PARD3B: variants seen among roughly 807,000 people sequenced by gnomAD.
PARD3B encodes the protein partitioning defective 3 homolog B.
In PARD3B, 103 loss-of-function variants were observed where a neutral mutation model predicts 130.2. The ratio of observed to expected loss-of-function variants is 0.79; its 90% CI spans 0.67 to 0.93. The LOEUF is 0.93. Among genes scored for constraint, PARD3B ranks in the 40% least tolerant of loss-of-function variants. The probability of loss-of-function intolerance (pLI) is 0.00; values close to 1 mark genes in which losing one functional copy is unlikely to be tolerated. For synonymous variants in PARD3B, 583 were observed against 553.2 expected (o/e 1.05, Z -0.76); for missense variants, 1,609 against 1,499.2 (o/e 1.07, Z -1.21).
At chr2:205,171,026 T>A (rs942989379) in intron 11 of PARD3B, among the ~76,000 whole-genome samples, 2 of 152,234 alleles carry the variant, frequency 1.3e-5, no homozygotes, top group Non-Finnish European at 2.9e-5. Flanking sequence ...TGCCTCAGTT[T>A]CCTTTTCTGT....
intron 1 of PARD3B, among the ~76,000 whole-genome samples, chr2:204,648,595 A>G (rs1378087638): frequency 7.9e-6 from 1 of 125,806 alleles, no homozygotes; most frequent in Non-Finnish European, 1.6e-5. Context: ...TATATTATAT[A>G]TAATATATTT....
chr2:205,523,221 G>GCAA (rs1559176152), intron 21 of PARD3B, among the ~76,000 whole-genome samples: 129 of 121,232 alleles, frequency 1.1e-3, no homozygotes, highest in African/African-American at 3.4e-3. Flanking sequence ...GTGTGTGTGT[G>GCAA]TGTGTATATA....
intron 21 of PARD3B, among the ~76,000 whole-genome samples, chr2:205,528,312 G>C (rs568233171): frequency 2.0e-5 from 3 of 152,112 alleles, no homozygotes; most frequent in African/African-American, 7.2e-5. Context: ...TGAGCCCTAC[G>C]TTGTGCCCAA....
At position 205,121,661 on chromosome 2, in the gene PARD3B, C is replaced by T. The variant is rs774041787; in HGVS notation, c.877C>T (p.Arg293Cys). ...VLLHVLPPQNREQYEKSVIGS... is the reference protein window; with the variant it reads ...VLLHVLPPQNCEQYEKSVIGS... Reference sequence around the variant, plus strand: ...CCTCCACGTGCTTCCTCCACAAAACCGTGAACAGTATGAAAAGTCAGTCAT... The same window carrying T: ...CCTCCACGTGCTTCCTCCACAAAACTGTGAACAGTATGAAAAGTCAGTCAT... The change falls in exon 8 of 23, where the codon CGT becomes TGT. Residue 293 changes from arginine (R) to cysteine (C), a missense_variant. Physicochemically the swap from Arg to Cys is radical, Grantham distance 180 (BLOSUM62 -3). Coordinates refer to ENST00000406610, the MANE Select transcript of PARD3B (RefSeq NM_001302769.2). The surrounding 1 kb of genome is among the most constrained non-coding windows in gnomAD (Gnocchi z 5.0). 118 of 1,614,030 alleles carry T rather than the reference C, an allele frequency of 7.3e-5. No individual in the cohort carries two copies. Among genetic ancestry groups the T allele is most frequent in the African/African-American group, 2.4e-4 (18 of 74,884 alleles).
intron 10 of PARD3B, among the ~76,000 whole-genome samples, chr2:205,143,275 G>A (rs551837774): frequency 6.6e-6 from 1 of 152,296 alleles, no homozygotes; most frequent in East Asian, 1.9e-4. Context: ...TCATCCACTT[G>A]TGGTGCTTCG....
At chr2:204,753,806 A>C (rs2125393562) in intron 2 of PARD3B, among the ~76,000 whole-genome samples, 1 of 152,118 alleles carries the variant, frequency 6.6e-6, no homozygotes, top group Non-Finnish European at 1.5e-5. Context: ...TAATCCTAGC[A>C]CTCTGGGAGG....
In PARD3B at chr2:205,405,742, A is replaced by G. The variant is rs2046397709; in HGVS notation, c.2741+4619A>G. Among the ~76,000 whole-genome samples, 3 of 152,246 alleles carry G rather than the reference A, an allele frequency of 2.0e-5. No homozygotes were observed. Among genetic ancestry groups the G allele is most frequent in the Admixed American group, 1.3e-4 (2 of 15,274 alleles). On this transcript the variant is annotated intron_variant, in intron 19 of 22. Coordinates refer to ENST00000406610, the MANE Select transcript of PARD3B (RefSeq NM_001302769.2). This position sits in a 1 kb window ranked among gnomAD's most constrained non-coding sequence, Gnocchi z 4.1. Reference sequence around the variant, plus strand: ...GTCCGATGACAGAATCAGCAGGAACAATGGACTGAATTAAACGTAAAGAAA... The same window carrying G: ...GTCCGATGACAGAATCAGCAGGAACGATGGACTGAATTAAACGTAAAGAAA...
chr2:205,058,332 A>T (rs1248890044), intron 4 of PARD3B, among the ~76,000 whole-genome samples: 1 of 151,848 alleles, frequency 6.6e-6, no homozygotes. Flanking sequence ...TTGCTTATCT[A>T]CTCATCTCTT....
At chr2:205,601,121 A>C (rs2054768205) in intron 22 of PARD3B, among the ~76,000 whole-genome samples, 1 of 152,246 alleles carries the variant, frequency 6.6e-6, no homozygotes. Flanking sequence ...TGCCAACAAC[A>C]GTGTGAAAAC....
At chr2:204,816,812 T>C (rs982203936) in intron 2 of PARD3B, among the ~76,000 whole-genome samples, 4 of 152,078 alleles carry the variant, frequency 2.6e-5, no homozygotes, top group African/African-American at 9.7e-5. Context: ...ATTTTTTCAT[T>C]ACTTTTAGAA....
rs138559799 is a variant in PARD3B at position 205,233,976 on chromosome 2, AC to A, written c.2141-11801del. Among the ~76,000 whole-genome samples, 50 of 152,324 alleles carry A rather than the reference AC, an allele frequency of 3.3e-4. No individual in the cohort carries two copies. The East Asian group carries it at 4.4e-3, about 14-fold the overall frequency. Reference sequence around the variant, plus strand: ...AAGTCTATATACTATTGTAAGATATACATAATAACAAAAGAACACTCTAATA... The same window carrying A: ...AAGTCTATATACTATTGTAAGATATAATAATAACAAAAGAACACTCTAATA... On this transcript the variant is annotated intron_variant, in intron 15 of 22. Coordinates refer to ENST00000406610, the MANE Select transcript of PARD3B (RefSeq NM_001302769.2).
intron 18 of PARD3B, among the ~76,000 whole-genome samples, chr2:205,310,049 A>C (rs1355196388): frequency 7.0e-6 from 1 of 142,602 alleles, no homozygotes; most frequent in Non-Finnish European, 1.5e-5. Flanking sequence ...TCACATACTT[A>C]TTTCTTTCAT....
chr2:204,787,966 C>T (rs535999160), intron 2 of PARD3B, among the ~76,000 whole-genome samples: 78 of 152,310 alleles, frequency 5.1e-4, no homozygotes, highest in African/African-American at 1.8e-3. Flanking sequence ...ATCATCTCTG[C>T]ACTTCCGTAC....
At chr2:205,248,809 A>T (rs932873242) in intron 16 of PARD3B, among the ~76,000 whole-genome samples, 1 of 151,300 alleles carries the variant, frequency 6.6e-6, no homozygotes, top group Non-Finnish European at 1.5e-5. Context: ...AGGTTTCACC[A>T]TGTTAGCCAG....
intron 15 of PARD3B, among the ~76,000 whole-genome samples, chr2:205,208,391 A>C (rs1384924907): frequency 7.3e-5 from 10 of 136,760 alleles, no homozygotes; most frequent in African/African-American, 1.5e-4. Flanking sequence ...GGAGAAGGAA[A>C]TAAAGGGTAT....
Position 205,561,655 on chromosome 2 carries a change from C to T in PARD3B, c.3260+8252C>T, listed in dbSNP as rs529490258. 5.3e-5 allele frequency among the ~76,000 whole-genome samples: 8 copies of T among 152,270 alleles called. No individual in the cohort carries two copies. In the East Asian group the frequency reaches 5.8e-4, roughly 11 times the overall value. ...TATTAATAGACACTGTGAATCATGG[C>T]CAGTGGCTTTGACACTTCCCTGGTG... On this transcript the variant is annotated intron_variant, in intron 22 of 22. Coordinates refer to ENST00000406610, the MANE Select transcript of PARD3B (RefSeq NM_001302769.2).
intron 21 of PARD3B, among the ~76,000 whole-genome samples, chr2:205,523,029 T>TATCA (rs1295169120): frequency 2.6e-5 from 4 of 151,618 alleles, no homozygotes; most frequent in Admixed American, 2.6e-4. Flanking sequence ...TTCTTAGGTC[T>TATCA]ATCACTTATT....
chr2:205,457,768 G>A (rs1336185600), intron 20 of PARD3B, among the ~76,000 whole-genome samples: 4 of 151,664 alleles, frequency 2.6e-5, no homozygotes, highest in East Asian at 1.9e-4. Context: ...ATCAAAGTTT[G>A]TTGTCAGACA....
Position 204,795,078 on chromosome 2 carries a change from A to G in PARD3B, c.222+108796A>G, listed in dbSNP as rs140354135. Among the ~76,000 whole-genome samples the G allele has an allele frequency of 2.8e-4, 43 of 152,350 alleles. No individual in the cohort carries two copies. The East Asian group carries it at 7.9e-3, about 28-fold the overall frequency. On this transcript the variant is annotated intron_variant, in intron 2 of 22. Transcript: ENST00000406610. ...ATATTCAAAATGTAAACATTAAACA[A>G]TGATCGGGTTAAATGCTTATATTTT...
Sources: allele counts gnomAD v4.1 joint callset (sites outside exome capture counted in the v4.1 genomes callset), GRCh38; gene constraint gnomAD v4.1.1; non-coding constraint Gnocchi (gnomAD v3.1); transcripts MANE v1.5; gene names NCBI Gene and HGNC (gene_info 2026-07-23, HGNC 2026-07-21).